Variants in EBF2 observed in about 807,000 individuals in gnomAD.
EBF2 encodes transcription factor COE2.
EBF2 carries 21 observed loss-of-function variants against 72.8 expected under a neutral mutation model. The ratio of observed to expected loss-of-function variants is 0.29; its 90% CI spans 0.20 to 0.42. EBF2 has a LOEUF of 0.42. Among genes scored for constraint, EBF2 ranks in the 10% least tolerant of loss-of-function variants. EBF2 has a pLI of 1.00. For missense variants in EBF2, 637 were observed against 731.2 expected (o/e 0.87, Z 1.49); for synonymous variants, 299 against 274.2 (o/e 1.09, Z -0.89).
chr8:25,919,881 C>A (rs561293695), intron 6 of EBF2, among the ~76,000 whole-genome samples: 2 of 152,296 alleles, frequency 1.3e-5, no homozygotes, highest in East Asian at 3.9e-4. Flanking sequence ...TTGAAAGCAC[C>A]TGGAAAAGGC....
At position 25,951,347 on chromosome 8, in the gene EBF2, T is replaced by A. The variant is rs115205871; in HGVS notation, c.552-42792A>T. 3.7e-3 allele frequency among the ~76,000 whole-genome samples: 568 copies of A among 152,226 alleles called. 11 individuals carry two copies. Among genetic ancestry groups the A allele is most frequent in the African/African-American group, 0.013 (543 of 41,526 alleles). On this transcript the variant is annotated intron_variant, in intron 6 of 15. Coordinates refer to ENST00000520164, the MANE Select transcript of EBF2 (RefSeq NM_022659.4). Reference sequence around the variant, plus strand: ...GAGCCCAGGCCTGTCCCAGCTGAGATTACCAGCTGGGAGAGCAAAACCAAG... The same window carrying A: ...GAGCCCAGGCCTGTCCCAGCTGAGAATACCAGCTGGGAGAGCAAAACCAAG...
chr8:25,853,100 G>C (rs1376984267), intron 14 of EBF2, among the ~76,000 whole-genome samples: 2 of 152,090 alleles, frequency 1.3e-5, no homozygotes, highest in African/African-American at 2.4e-5. Context: ...ACTAAGTTTA[G>C]AGTACTTTCT....
In EBF2 at chr8:25,892,933, A is replaced by G. The variant is rs563223004; in HGVS notation, c.634-3064T>C. On this transcript the variant is annotated intron_variant, in intron 7 of 15. Transcript: ENST00000520164. ...CATGTTAACATGTTAGAATCTGGGG[A>G]AATTCCTTCCAGAAAGTTCCTATCA... Among the ~76,000 whole-genome samples the G allele has an allele frequency of 1.1e-4, 17 of 151,282 alleles. No homozygotes were observed. The South Asian group carries it at 3.3e-3, about 29-fold the overall frequency.
chr8:25,962,531 G>C (rs567384408), intron 6 of EBF2, among the ~76,000 whole-genome samples: 1 of 150,968 alleles, frequency 6.6e-6, no homozygotes, highest in African/African-American at 2.4e-5. Context: ...GATCCACACA[G>C]CCTGACCAAA....
At position 25,916,534 on chromosome 8, in the gene EBF2, C is replaced by T. The variant is rs115415482; in HGVS notation, c.552-7979G>A. ...CCAGACAAAATTATTCCAGAAGGAG[C>T]TGTCACGAATTTAAATCTGGTCCTC... On this transcript the variant is annotated intron_variant, in intron 6 of 15. Coordinates refer to ENST00000520164, the MANE Select transcript of EBF2 (RefSeq NM_022659.4). Among the ~76,000 whole-genome samples the T allele has an allele frequency of 1.9e-3, 291 of 152,162 alleles. 2 individuals carry two copies. The highest frequency in any genetic ancestry group is 6.7e-3 in the African/African-American group (278 of 41,526).
At chr8:25,931,394 T>G (rs1314313409) in intron 6 of EBF2, among the ~76,000 whole-genome samples, 1 of 152,124 alleles carries the variant, frequency 6.6e-6, no homozygotes. Context: ...GCAGCAAGGT[T>G]TGGACGACTT....
chr8:25,991,846 C>CA (rs531629410), intron 6 of EBF2, among the ~76,000 whole-genome samples: 684 of 151,630 alleles, frequency 4.5e-3, no homozygotes, highest in Non-Finnish European at 7.9e-3. Flanking sequence ...GACTCTGTCT[C>CA]AAAAAAATAA....
chr8:25,908,661 T>G (rs74844693), intron 6 of EBF2, 106 bp from the exon 7 acceptor site: 18,655 of 803,306 alleles, frequency 0.023, 661 homozygotes, highest in South Asian at 0.099. Flanking sequence ...ATTTCAGATC[T>G]GGGGAATTTC....
chr8:26,043,816 T>C (rs909369299), intron 1 of EBF2, among the ~76,000 whole-genome samples: 1 of 152,070 alleles, frequency 6.6e-6, no homozygotes, highest in Non-Finnish European at 1.5e-5. Context: ...GGGCTGCCTC[T>C]CTCGCAGACA....
At chr8:26,020,245 C>T (rs1033541621) in intron 6 of EBF2, among the ~76,000 whole-genome samples, 3 of 152,326 alleles carry the variant, frequency 2.0e-5, no homozygotes, top group Admixed American at 1.3e-4. Context: ...CACCTAATGA[C>T]TCTATCCCTC....
At chr8:25,954,476 C>T (rs1285046196) in intron 6 of EBF2, among the ~76,000 whole-genome samples, 1 of 152,196 alleles carries the variant, frequency 6.6e-6, no homozygotes, top group Non-Finnish European at 1.5e-5. Context: ...AGAAAGACCC[C>T]CAGAGGTCAA....
chr8:25,917,252 G>A (rs569575698), intron 6 of EBF2, among the ~76,000 whole-genome samples: 75 of 148,932 alleles, frequency 5.0e-4, no homozygotes, highest in Admixed American at 1.1e-3. Flanking sequence ...TCATTCTGCT[G>A]AATTCTATTC....
chr8:25,943,791 A>C (rs1459865451), intron 6 of EBF2, among the ~76,000 whole-genome samples: 2 of 152,160 alleles, frequency 1.3e-5, no homozygotes, highest in African/African-American at 4.8e-5. Context: ...TCAAAACACT[A>C]TCAAAGGGGC....
At chr8:25,890,472 T>C (rs1221876677) in intron 7 of EBF2, among the ~76,000 whole-genome samples, 1 of 152,176 alleles carries the variant, frequency 6.6e-6, no homozygotes, top group Non-Finnish European at 1.5e-5. Flanking sequence ...GGAGAGGTGG[T>C]GTGGAACAGT....
intron 6 of EBF2, among the ~76,000 whole-genome samples, chr8:26,006,500 C>A (rs1804884400): frequency 6.6e-6 from 1 of 152,170 alleles, no homozygotes; most frequent in Non-Finnish European, 1.5e-5. Flanking sequence ...ATGGAATGAA[C>A]ATCTTCATGG....
chr8:26,008,901 G>T (rs1034352898), intron 6 of EBF2, among the ~76,000 whole-genome samples: 1 of 149,956 alleles, frequency 6.7e-6, no homozygotes, highest in Non-Finnish European at 1.5e-5. Flanking sequence ...CACATGCTAT[G>T]TGTGTGTAAA....
chr8:25,895,443 T>A (rs1015097272), intron 7 of EBF2, among the ~76,000 whole-genome samples: 9 of 152,250 alleles, frequency 5.9e-5, no homozygotes, highest in African/African-American at 2.2e-4. Flanking sequence ...GGTTCCATTT[T>A]AAATCATTTA....
chr8:25,922,140 G>T (rs1466270442), intron 6 of EBF2, among the ~76,000 whole-genome samples: 1 of 152,058 alleles, frequency 6.6e-6, no homozygotes, highest in Non-Finnish European at 1.5e-5. Context: ...GCCCCACTTT[G>T]CTGAAAACCA....
chr8:25,851,581 TAAGAAAG>T (rs141557083), intron 14 of EBF2, among the ~76,000 whole-genome samples: 1,944 of 152,276 alleles, frequency 0.013, 44 homozygotes, highest in African/African-American at 0.044. Context: ...ATGTTCAACT[TAAGAAAG>T]GAGTAAACTA....
Sources: gnomAD v4.1 joint callset for allele counts (sites outside exome capture counted in the v4.1 genomes callset) on GRCh38, gnomAD v4.1.1 for gene constraint, MANE v1.5 for transcripts, NCBI Gene and HGNC (gene_info 2026-07-23, HGNC 2026-07-21) for gene names.